Variants in CFTR observed in about 807,000 individuals in gnomAD.
CFTR encodes CF transmembrane conductance regulator, also known as cystic fibrosis transmembrane conductance regulator.
CFTR carries 181 observed loss-of-function variants against 171.6 expected under a neutral mutation model. The observed-to-expected ratio is 1.05, with a 90% CI of 0.93 to 1.19. The LOEUF (loss-of-function observed/expected upper bound fraction) is 1.19, where lower values mean the gene tolerates loss of function less well. Among genes scored for constraint, CFTR ranks in the 50% most tolerant of loss-of-function variants. CFTR has a pLI of 0.00. For missense variants in CFTR, 1,968 were observed against 1,734.7 expected, an observed-to-expected ratio of 1.13 and a Z score of -2.39; for synonymous variants, 583 against 608.0, an observed-to-expected ratio of 0.96 and a Z score of 0.60.
At chr7:117,602,528 T>C (rs925267704) in intron 15 of CFTR, among the ~76,000 whole-genome samples, 1 of 152,252 alleles carries the variant, frequency 6.6e-6, no homozygotes, top group Non-Finnish European at 1.5e-5. Context: ...TCAGCTGTGA[T>C]CTTGGCTTTC....
intron 16 of CFTR, 138 bp from the exon 17 acceptor site, chr7:117,603,393 AT>A: frequency 1.2e-6 from 1 of 820,964 alleles, no homozygotes; most frequent in East Asian, 2.6e-5. Context: ...TAATAGTATG[AT>A]TTTGAGGTTA....
At position 117,580,719 on chromosome 7, in the gene CFTR, G is replaced by A. The variant is rs1036355607; in HGVS notation, c.1585-7020G>A. ...TCTAGTCCAGACTGCAAATAAATGT[G>A]AGCAAGTGAATTCAAGCACAGAAGT... On this transcript the variant is annotated intron_variant, in intron 11 of 26. Transcript: ENST00000003084. Among the ~76,000 whole-genome samples, 5 of 152,070 alleles carry A rather than the reference G, an allele frequency of 3.3e-5. No individual in the cohort carries two copies. The highest frequency in any genetic ancestry group is 9.7e-5 in the African/African-American group (4 of 41,428).
At chr7:117,575,146 T>G (rs1224401675) in intron 11 of CFTR, among the ~76,000 whole-genome samples, 1 of 152,124 alleles carries the variant, frequency 6.6e-6, no homozygotes, top group Non-Finnish European at 1.5e-5. Flanking sequence ...ATACACACAT[T>G]TTAAATTTCA....
intron 11 of CFTR, among the ~76,000 whole-genome samples, chr7:117,578,656 A>G (rs908773510): frequency 6.6e-6 from 1 of 152,054 alleles, no homozygotes; most frequent in African/African-American, 2.4e-5. Context: ...TATAAATGAA[A>G]CTCACATTTT....
At chr7:117,489,736 G>A (rs1798126296) in intron 1 of CFTR, among the ~76,000 whole-genome samples, 1 of 151,522 alleles carries the variant, frequency 6.6e-6, no homozygotes. Context: ...TACTAAACAA[G>A]CCTGACAGCC....
In CFTR at chr7:117,652,735, AT is replaced by A. The variant is rs1282290289; in HGVS notation, c.3874-103del. ...GATGGTAAGTACATGGGTGTTTCTT[AT>A]TTTAAAATAATTTTTCTACTTGAAA... On this transcript the variant is annotated intron_variant, in intron 23 of 26. Coordinates refer to ENST00000003084, the MANE Select transcript of CFTR (RefSeq NM_000492.4). 7.4e-5 allele frequency: 47 copies of A among 636,518 alleles called. No individual in the cohort carries two copies. Among genetic ancestry groups the A allele is most frequent in the Non-Finnish European group, 1.2e-4 (43 of 359,956 alleles). The allele number at this position is 636,518 out of a possible 1,614,324, so 39.4% of individuals were successfully genotyped here.
chr7:117,570,222 A>G (rs1791669071), intron 11 of CFTR, among the ~76,000 whole-genome samples: 1 of 151,952 alleles, frequency 6.6e-6, no homozygotes, highest in South Asian at 2.1e-4. Context: ...CAAAAAAACA[A>G]AAAACCCGAA....
In CFTR at chr7:117,634,563, T is replaced by A. The variant is rs1006038964; in HGVS notation, c.3717+6793T>A. 2.6e-5 allele frequency among the ~76,000 whole-genome samples: 4 copies of A among 152,208 alleles called. No individual in the cohort carries two copies. In the South Asian group the frequency reaches 8.3e-4, roughly 32 times the overall value. Reference sequence around the variant, plus strand: ...AAGGTGGAAGCTTATATTGTTAAGATCCTTTTGCATTCTTATGCATTCAAT... The same window carrying A: ...AAGGTGGAAGCTTATATTGTTAAGAACCTTTTGCATTCTTATGCATTCAAT... On this transcript the variant is annotated intron_variant, in intron 22 of 26. Transcript: ENST00000003084.
At chr7:117,588,378 G>C (rs1272278669) in intron 12 of CFTR, among the ~76,000 whole-genome samples, 1 of 152,104 alleles carries the variant, frequency 6.6e-6, no homozygotes, top group Admixed American at 6.6e-5. Flanking sequence ...CTTGGTCCAA[G>C]CATTTTAAAG....
At chr7:117,514,360 C>T (rs1798566910) in intron 3 of CFTR, among the ~76,000 whole-genome samples, 1 of 152,084 alleles carries the variant, frequency 6.6e-6, no homozygotes, top group South Asian at 2.1e-4. Flanking sequence ...TCTCTGGGTC[C>T]ACCTGTTCTC....
At chr7:117,571,452 C>A (rs1228979650) in intron 11 of CFTR, among the ~76,000 whole-genome samples, 3 of 152,146 alleles carry the variant, frequency 2.0e-5, no homozygotes, top group African/African-American at 7.2e-5. Flanking sequence ...GAATTAGCAG[C>A]TGCTAAATGC....
rs147638270 is a variant in CFTR, at chr7:117,551,548, A to T, written c.1392+2725A>T. Reference sequence around the variant, plus strand: ...TAATAATCATCTAGGCTGCAAAAGGATCATGTCTTCTTTATTTTTATATTC... The same window carrying T: ...TAATAATCATCTAGGCTGCAAAAGGTTCATGTCTTCTTTATTTTTATATTC... On this transcript the variant is annotated intron_variant, in intron 10 of 26. Coordinates refer to ENST00000003084, the MANE Select transcript of CFTR (RefSeq NM_000492.4). Among the ~76,000 whole-genome samples, 570 of 152,232 alleles carry T rather than the reference A, an allele frequency of 3.7e-3. 5 individuals are homozygous for T. The highest frequency in any genetic ancestry group is 0.013 in the African/African-American group (537 of 41,540).
chr7:117,540,993 T>C (rs946584420), intron 8 of CFTR, among the ~76,000 whole-genome samples: 1 of 152,132 alleles, frequency 6.6e-6, no homozygotes, highest in Non-Finnish European at 1.5e-5. Context: ...TTTTGAAGAA[T>C]TGGAATAACT....
rs561671059 is a variant in CFTR, at chr7:117,660,149, A to T, written c.3964-4539A>T. On this transcript the variant is annotated intron_variant, in intron 24 of 26. Coordinates refer to ENST00000003084, the MANE Select transcript of CFTR (RefSeq NM_000492.4). The stretch of plus-strand genomic sequence containing the variant: ...ATGAAGCTGGAAAATTCTTTTTCCT[A>T]AAGTTCTTTATATCTACAAACTGTT... Among the ~76,000 whole-genome samples, 3 of 152,226 alleles carry T rather than the reference A, an allele frequency of 2.0e-5. No homozygotes were observed. In the East Asian group the frequency reaches 5.8e-4, roughly 29 times the overall value.
At chr7:117,497,649 T>C (rs1229745088) in intron 1 of CFTR, among the ~76,000 whole-genome samples, 5 of 152,170 alleles carry the variant, frequency 3.3e-5, no homozygotes, top group Non-Finnish European at 5.9e-5. Flanking sequence ...ATCAGGTGAC[T>C]GGGGATTCGT....
intron 1 of CFTR, among the ~76,000 whole-genome samples, chr7:117,492,207 A>C (rs1268009326): frequency 6.6e-6 from 1 of 152,072 alleles, no homozygotes; most frequent in African/African-American, 2.4e-5. Context: ...GAGGACAATT[A>C]AATAATGTTG....
chr7:117,648,686 T>C (rs1793034090), intron 23 of CFTR, among the ~76,000 whole-genome samples: 1 of 152,116 alleles, frequency 6.6e-6, no homozygotes, highest in Non-Finnish European at 1.5e-5. Flanking sequence ...ACTGTTTCAT[T>C]TGTAAACCAG....
chr7:117,649,061 T>TTTTAGCTAAATTTA (rs1162241157), intron 23 of CFTR, among the ~76,000 whole-genome samples: 3 of 152,178 alleles, frequency 2.0e-5, no homozygotes, highest in Non-Finnish European at 4.4e-5. Flanking sequence ...ATGTTGAATA[T>TTTTAGCTAAATTTA]ATGTGTATCT....
At chr7:117,496,440 G>A (rs1798241421) in intron 1 of CFTR, among the ~76,000 whole-genome samples, 1 of 152,148 alleles carries the variant, frequency 6.6e-6, no homozygotes, top group Admixed American at 6.5e-5. Context: ...CAGGGCTCAA[G>A]TGGTCCTCCT....
Sources: allele counts gnomAD v4.1 joint callset (sites outside exome capture counted in the v4.1 genomes callset), GRCh38; gene constraint gnomAD v4.1.1; transcripts MANE v1.5; gene names NCBI Gene and HGNC (gene_info 2026-07-23, HGNC 2026-07-21).